Variants in FSTL4 observed in about 807,000 individuals in gnomAD.
FSTL4 encodes the protein follistatin-related protein 4.
Under a neutral mutation model 78.2 loss-of-function variants are expected in FSTL4, and 28 were observed. The observed-to-expected ratio is 0.36, with a 90% confidence interval of 0.27 to 0.49. FSTL4 has a LOEUF of 0.49. Ranked by LOEUF, FSTL4 falls within the 20% of genes least tolerant of loss-of-function variation. FSTL4 has a pLI of 0.98. For missense variants in FSTL4, 922 were observed against 1,084.9 expected (o/e 0.85, Z 2.11); for synonymous variants, 422 against 440.5 (o/e 0.96, Z 0.53).
intron 6 of FSTL4, among the ~76,000 whole-genome samples, chr5:133,285,400 G>A (rs1413299555): frequency 6.6e-6 from 1 of 152,162 alleles, no homozygotes; most frequent in African/African-American, 2.4e-5. Context: ...GGTGCCAGCT[G>A]GCTGGGACCC....
chr5:133,514,182 GATAATAATAATAATAATA>G (rs10671234), intron 3 of FSTL4, among the ~76,000 whole-genome samples: 2 of 116,644 alleles, frequency 1.7e-5, no homozygotes, highest in Non-Finnish European at 3.3e-5. Context: ...CCGTCTCAAT[GATAATAATAATAATAATA>G]ATAATAATAA....
At position 133,201,937 on chromosome 5, in the gene FSTL4, TGTG is replaced by T. The variant is rs1335000155; in HGVS notation, c.1819_1821del (p.His607del). On this transcript the variant is annotated inframe_deletion, in exon 15 of 16. Coordinates refer to ENST00000265342, the MANE Select transcript of FSTL4 (RefSeq NM_015082.2). ...GGCATCATGGGCCAGTCTCACCTGA[TGTG>T]GTTGATGATGAGGTTTGTTGGGGGA... The T allele has an allele frequency of 6.3e-7, 1 of 1,584,520 alleles. No individual in the cohort carries two copies. The highest frequency in any genetic ancestry group is 1.3e-5 in the African/African-American group (1 of 74,482).
intron 4 of FSTL4, among the ~76,000 whole-genome samples, chr5:133,353,904 C>T (rs1754885212): frequency 6.6e-6 from 1 of 152,180 alleles, no homozygotes; most frequent in African/African-American, 2.4e-5. Flanking sequence ...CATGCGGGGG[C>T]AGTGCTCATC....
At chr5:133,606,368 C>T (rs1481387609) in intron 1 of FSTL4, among the ~76,000 whole-genome samples, 1 of 152,192 alleles carries the variant, frequency 6.6e-6, no homozygotes, top group East Asian at 1.9e-4. Flanking sequence ...GATCCACCTG[C>T]TTCGGCCTCC....
At chr5:133,660,551 C>CTCAGCATGGA in the FSTL4 span, among the ~76,000 whole-genome samples, 1 of 152,182 alleles carries the variant, frequency 6.6e-6, no homozygotes, top group Non-Finnish European at 1.5e-5. Flanking sequence ...GGTGCTTGTG[C>CTCAGCATGGA]TCAGCATGGA....
At chr5:133,240,594 T>C (rs1751834489) in intron 7 of FSTL4, among the ~76,000 whole-genome samples, 1 of 152,186 alleles carries the variant, frequency 6.6e-6, no homozygotes, top group African/African-American at 2.4e-5. Context: ...CCTGGCTGAC[T>C]TGGGTGTCCT....
At chr5:133,744,483 C>T in the FSTL4 span, among the ~76,000 whole-genome samples, 9 of 152,180 alleles carry the variant, frequency 5.9e-5, no homozygotes, top group Admixed American at 1.3e-4. Context: ...CTAGGCACCA[C>T]GACATCCCTT....
chr5:133,221,077 GCATGTCA>G, intron 11 of FSTL4: 1 of 658,138 alleles, frequency 1.5e-6, no homozygotes, highest in East Asian at 2.8e-5. Flanking sequence ...AATCAGTAAA[GCATGTCA>G]CAGGCTACGT....
rs1298273491 is a variant in FSTL4 at position 133,426,965 on chromosome 5, G to A, written c.161-25979C>T. The stretch of plus-strand genomic sequence containing the variant: ...GTGTTCCGTCTCTCAAATGCCCAAC[G>A]GCCCAGAGGAATTTTGGTTTATCAA... On this transcript the variant is annotated intron_variant, in intron 3 of 15. Transcript: ENST00000265342. This position sits in a 1 kb window ranked among gnomAD's most constrained non-coding sequence, Gnocchi z 5.0. Among the ~76,000 whole-genome samples, 1 of 152,032 alleles carries A rather than the reference G, an allele frequency of 6.6e-6. No homozygotes were observed. The highest frequency in any genetic ancestry group is 6.5e-5 in the Admixed American group (1 of 15,272).
At chr5:133,263,914 A>G (rs1219136183) in intron 6 of FSTL4, among the ~76,000 whole-genome samples, 2 of 152,168 alleles carry the variant, frequency 1.3e-5, no homozygotes, top group East Asian at 3.9e-4. Context: ...GTGCATTGTG[A>G]CAGAAGGTGG....
the FSTL4 span, among the ~76,000 whole-genome samples, chr5:133,830,169 G>A: frequency 1.3e-5 from 2 of 152,232 alleles, no homozygotes; most frequent in Non-Finnish European, 2.9e-5. Context: ...AGAACTGTGG[G>A]TGTTCATTTT....
At chr5:133,524,342 G>A (rs1046258411) in intron 3 of FSTL4, among the ~76,000 whole-genome samples, 1 of 152,150 alleles carries the variant, frequency 6.6e-6, no homozygotes, top group Admixed American at 6.5e-5. Flanking sequence ...CATGACTGTG[G>A]GTTTTCCAAG....
At chr5:133,589,586 G>A (rs80082968) in intron 2 of FSTL4, among the ~76,000 whole-genome samples, 28,247 of 151,902 alleles carry the variant, frequency 0.19, 3,342 homozygotes, top group East Asian at 0.29. Flanking sequence ...AATTGTTGGG[G>A]AGGAGGGGGA....
At chr5:133,280,504 A>C (rs547217633) in intron 6 of FSTL4, among the ~76,000 whole-genome samples, 53 of 152,284 alleles carry the variant, frequency 3.5e-4, no homozygotes, top group Non-Finnish European at 6.9e-4. Flanking sequence ...CATAAAAGTC[A>C]TCCCCAAGCT....
At chr5:133,701,506 CA>C in the FSTL4 span, among the ~76,000 whole-genome samples, 69 of 130,524 alleles carry the variant, frequency 5.3e-4, 1 homozygote, top group Admixed American at 1.6e-3. Flanking sequence ...CACACACACA[CA>C]CACCCCACAG....
chr5:133,384,434 C>T (rs1212155716), intron 4 of FSTL4, among the ~76,000 whole-genome samples: 1 of 152,236 alleles, frequency 6.6e-6, no homozygotes, highest in Non-Finnish European at 1.5e-5. Context: ...AAGGATTTCA[C>T]TCAGGCCTCG....
chr5:133,533,460 G>A (rs149357531), intron 3 of FSTL4, among the ~76,000 whole-genome samples: 2,438 of 152,228 alleles, frequency 0.016, 62 homozygotes, highest in African/African-American at 0.055. Context: ...TGGCCAGGCT[G>A]GTCTTGAACT....
intron 6 of FSTL4, among the ~76,000 whole-genome samples, chr5:133,267,407 C>T (rs1215020134): frequency 3.3e-5 from 5 of 152,166 alleles, no homozygotes; most frequent in African/African-American, 4.8e-5. Flanking sequence ...TCACAAAGCA[C>T]GCTCATATCC....
intron 2 of FSTL4, among the ~76,000 whole-genome samples, chr5:133,599,572 G>T (rs1489528877): frequency 1.3e-5 from 2 of 152,208 alleles, no homozygotes; most frequent in Non-Finnish European, 2.9e-5. Context: ...ACATGTACAG[G>T]TATGTAGTAC....
Sources: gnomAD v4.1 joint callset for allele counts (sites outside exome capture counted in the v4.1 genomes callset) on GRCh38, gnomAD v4.1.1 for gene constraint, Gnocchi (gnomAD v3.1) non-coding constraint, MANE v1.5 for transcripts, NCBI Gene and HGNC (gene_info 2026-07-23, HGNC 2026-07-21) for gene names.